The following BTBD9 variants were observed in gnomAD, a reference collection of about 807,000 sequenced individuals.
The protein encoded by BTBD9 is BTB/POZ domain-containing protein 9.
BTBD9 carries 49 observed loss-of-function variants against 64.3 expected under a neutral mutation model. The observed-to-expected ratio is 0.76, with a 90% CI of 0.61 to 0.97. The LOEUF (loss-of-function observed/expected upper bound fraction) is 0.97. BTBD9 is among the 50% of genes least tolerant of loss of function. The probability of loss-of-function intolerance (pLI) is 0.00; values close to 1 mark genes in which losing one functional copy is unlikely to be tolerated. For synonymous variants in BTBD9, 260 were observed against 274.7 expected (o/e 0.95, Z 0.53); for missense variants, 598 against 762.1 (o/e 0.78, Z 2.53).
intron 9 of BTBD9, among the ~76,000 whole-genome samples, chr6:38,228,345 C>CA (rs1763474746): frequency 1.5e-5 from 1 of 67,848 alleles, no homozygotes; most frequent in African/African-American, 5.0e-5. Flanking sequence ...ACCCTGTCCC[C>CA]CCCCCCAAAA....
At chr6:38,598,748 T>C (rs185143742) in intron 1 of BTBD9, among the ~76,000 whole-genome samples, 58 of 151,994 alleles carry the variant, frequency 3.8e-4, no homozygotes, top group African/African-American at 1.1e-3. Flanking sequence ...AGAAACCCCA[T>C]CTCTACTAAA....
chr6:38,441,002 C>T (rs796573073), intron 6 of BTBD9, among the ~76,000 whole-genome samples: 10 of 152,146 alleles, frequency 6.6e-5, no homozygotes, highest in African/African-American at 2.4e-4. Flanking sequence ...TTCCCAGAAA[C>T]ACCCTGTGGA....
At position 38,534,475 on chromosome 6, in the gene BTBD9, C is replaced by CCA. The variant is rs371256719; in HGVS notation, c.1154+43124_1154+43125insTG. Among the ~76,000 whole-genome samples the CCA allele has an allele frequency of 2.3e-3, 215 of 94,928 alleles. 2 individuals are homozygous for CCA. The highest frequency in any genetic ancestry group is 9.9e-3 in the East Asian group (40 of 4,034). The allele number at this position is 94,928 out of a possible 152,430, so 62.3% of individuals were successfully genotyped here. A position where few individuals can be genotyped will look rare whatever the true frequency, so the allele number is the denominator to read the frequency against. On this transcript the variant is annotated intron_variant, in intron 6 of 10. Transcript: ENST00000481247. ...TGATACCAATTCTACTCAAACTGTT[C>CCA]AAAAAAAAAAAAAAAATAGAGGAGG...
At chr6:38,193,708 C>T (rs1304955242) in intron 9 of BTBD9, 1 of 608,414 alleles carries the variant, frequency 1.6e-6, no homozygotes, top group African/African-American at 2.1e-5. Flanking sequence ...GCTGCCATCC[C>T]TCCTCCGCTC....
At chr6:38,384,161 TA>T (rs1316476588) in intron 6 of BTBD9, among the ~76,000 whole-genome samples, 2 of 152,180 alleles carry the variant, frequency 1.3e-5, no homozygotes, top group Non-Finnish European at 2.9e-5. Context: ...ATCTCACCTT[TA>T]AAAATTTCCT....
At chr6:38,301,728 C>T (rs527242716) in intron 7 of BTBD9, among the ~76,000 whole-genome samples, 7 of 152,016 alleles carry the variant, frequency 4.6e-5, no homozygotes, top group East Asian at 3.9e-4. Flanking sequence ...TTTTTTATTG[C>T]GTCTATTTGA....
chr6:38,214,538 ACAGGG>A (rs1192206201), intron 9 of BTBD9, among the ~76,000 whole-genome samples: 1 of 152,218 alleles, frequency 6.6e-6, no homozygotes, highest in Admixed American at 6.5e-5. Flanking sequence ...TAAAGGTGTG[ACAGGG>A]CAGGGAGAGT....
Position 38,509,673 on chromosome 6 carries a change from G to A in BTBD9, c.1154+67927C>T, listed in dbSNP as rs114388547. Among the ~76,000 whole-genome samples, 1,164 of 152,180 alleles carry A rather than the reference G, an allele frequency of 7.6e-3. 14 individuals are homozygous for A. Among genetic ancestry groups the A allele is most frequent in the African/African-American group, 0.026 (1,089 of 41,516 alleles). Reference sequence around the variant, plus strand: ...AAAAAGGCATAGAATTAACACTTCCGAAAAGAAAAATCTAATAAAACTGAA... The same window carrying A: ...AAAAAGGCATAGAATTAACACTTCCAAAAAGAAAAATCTAATAAAACTGAA... On this transcript the variant is annotated intron_variant, in intron 6 of 10. Coordinates refer to ENST00000481247, the MANE Select transcript of BTBD9 (RefSeq NM_001099272.2).
chr6:38,465,902 C>A (rs1434109002), intron 6 of BTBD9, among the ~76,000 whole-genome samples: 1 of 133,062 alleles, frequency 7.5e-6, no homozygotes, highest in Non-Finnish European at 1.5e-5. Flanking sequence ...ATGATCATGG[C>A]TCATTGCAGC....
intron 6 of BTBD9, among the ~76,000 whole-genome samples, chr6:38,382,965 CAAGA>C (rs1766002325): frequency 6.6e-6 from 1 of 152,056 alleles, no homozygotes; most frequent in South Asian, 2.1e-4. Context: ...ACCAAACATT[CAAGA>C]AACAGACAAT....
intron 6 of BTBD9, among the ~76,000 whole-genome samples, chr6:38,503,890 A>T (rs190221079): frequency 2.0e-5 from 3 of 152,272 alleles, no homozygotes; most frequent in Admixed American, 6.5e-5. Context: ...ACTCTGCCAA[A>T]ATCTAAATGC....
intron 10 of BTBD9, 73 bp from the exon 11 acceptor site, chr6:38,175,255 T>C: frequency 4.0e-6 from 6 of 1,513,036 alleles, no homozygotes; most frequent in Non-Finnish European, 5.5e-6. Flanking sequence ...CAAGTTGGGA[T>C]ACTGCCCTGC....
chr6:38,234,919 T>C (rs375231012), intron 9 of BTBD9, among the ~76,000 whole-genome samples: 45 of 152,362 alleles, frequency 3.0e-4, no homozygotes, highest in Non-Finnish European at 5.3e-4. Context: ...AAGGCTAAGA[T>C]TGAAATAATT....
Position 38,378,339 on chromosome 6 carries a change from G to T in BTBD9, c.1155-33246C>A, listed in dbSNP as rs140589095. Reference sequence around the variant, plus strand: ...GCTCACTGCAACCTCCACCTCCTAGGTTTAAACAACTCTCCTGCCTCAGCC... The same window carrying T: ...GCTCACTGCAACCTCCACCTCCTAGTTTTAAACAACTCTCCTGCCTCAGCC... On this transcript the variant is annotated intron_variant, in intron 6 of 10. Coordinates refer to ENST00000481247, the MANE Select transcript of BTBD9 (RefSeq NM_001099272.2). Among the ~76,000 whole-genome samples, 185 of 151,130 alleles carry T rather than the reference G, an allele frequency of 1.2e-3. No individual in the cohort carries two copies. The Middle Eastern group carries it at 0.017, about 14-fold the overall frequency.
In BTBD9 at chr6:38,614,780, T is replaced by C. The variant is rs150341127; in HGVS notation, c.-27-16659A>G. ...TTCTAGTTCACTCCACCTTCATCTC[T>C]CACTCGGACCCTCACATAGTTCCTA... On this transcript the variant is annotated intron_variant, in intron 1 of 10. Coordinates refer to ENST00000481247, the MANE Select transcript of BTBD9 (RefSeq NM_001099272.2). Among the ~76,000 whole-genome samples, 411 of 152,332 alleles carry C rather than the reference T, an allele frequency of 2.7e-3. 2 individuals carry two copies. The highest frequency in any genetic ancestry group is 9.4e-3 in the African/African-American group (390 of 41,580).
At position 38,171,259 on chromosome 6, in the gene BTBD9, C is replaced by T. The variant is rs957255693; in HGVS notation, c.*3726G>A. 3 of 152,130 alleles carry T rather than the reference C, an allele frequency of 2.0e-5. No individual in the cohort carries two copies. The highest frequency in any genetic ancestry group is 2.0e-4 in the Admixed American group (3 of 15,272). 9.4% of individuals were successfully genotyped at this position (152,130 alleles called of 1,614,324 possible). ...CTGCACAGCAGTTTGACAACTGGGG[C>T]GACAGCATAATACTGGGCAATTTTT... is the stretch of plus-strand genomic sequence containing the variant. On this transcript the variant is annotated 3_prime_UTR_variant, in exon 11 of 11. Transcript: ENST00000481247.
At chr6:38,459,500 G>A (rs1421621485) in intron 6 of BTBD9, among the ~76,000 whole-genome samples, 1 of 152,150 alleles carries the variant, frequency 6.6e-6, no homozygotes, top group Non-Finnish European at 1.5e-5. Flanking sequence ...CATCAACTCT[G>A]GCTTCCCATG....
chr6:38,402,157 T>C (rs753360026), intron 6 of BTBD9, among the ~76,000 whole-genome samples: 13 of 152,122 alleles, frequency 8.5e-5, no homozygotes, highest in Non-Finnish European at 1.6e-4. Context: ...GACTAGTACA[T>C]TGAAAACTAT....
intron 8 of BTBD9, among the ~76,000 whole-genome samples, chr6:38,276,771 A>T (rs751066950): frequency 5.5e-4 from 84 of 152,002 alleles, no homozygotes; most frequent in Non-Finnish European, 1.0e-3. Flanking sequence ...GTCTTTTTTT[A>T]AAAAAAATCT....
Sources: allele counts gnomAD v4.1 joint callset (sites outside exome capture counted in the v4.1 genomes callset), GRCh38; gene constraint gnomAD v4.1.1; transcripts MANE v1.5; gene names NCBI Gene and HGNC (gene_info 2026-07-23, HGNC 2026-07-21).